Variants in ZNF479 observed in about 807,000 individuals in gnomAD.
ZNF479 encodes the protein zinc finger protein 479, also known as KRAB zinc finger protein KR19.
Under a neutral mutation model 14.7 loss-of-function variants are expected in ZNF479, and 15 were observed. The ratio of observed to expected loss-of-function variants is 1.02; its 90% CI spans 0.68 to 1.57. ZNF479 has a LOEUF of 1.57. Ranked by LOEUF, ZNF479 falls within the 40% of genes most tolerant of loss-of-function variation. The probability of loss-of-function intolerance (pLI) is 0.00; values close to 1 mark genes in which losing one functional copy is unlikely to be tolerated. For synonymous variants in ZNF479, 145 were observed against 211.5 expected (o/e 0.69, Z 2.73); for missense variants, 506 against 615.1 (o/e 0.82, Z 1.88).
intron 1 of ZNF479, among the ~76,000 whole-genome samples, chr7:57,138,468 A>G (rs1786742942): frequency 6.6e-6 from 1 of 152,200 alleles, no homozygotes; most frequent in South Asian, 2.1e-4. Flanking sequence ...TGACTCTCAT[A>G]TGAGGACACG....
chr7:57,117,724 T>A lies in ZNF479; in HGVS notation c.*2116A>T, dbSNP rs1785748454. Among the ~76,000 whole-genome samples the A allele has an allele frequency of 1.3e-5, 2 of 152,292 alleles. No homozygotes were observed. The highest frequency in any genetic ancestry group is 4.8e-5 in the African/African-American group (2 of 41,478). On this transcript the variant is annotated 3_prime_UTR_variant, in exon 4 of 4. Coordinates refer to ENST00000319636, the MANE Select transcript of ZNF479 (RefSeq NM_001370129.2). ...GCATTTTATTACATAAACGTACAAT[T>A]GATAAAAAACAATCTCTCCTATCTC... is the stretch of plus-strand genomic sequence containing the variant.
rs751859926 is a variant in ZNF479, at chr7:57,126,111, T to C, written c.169A>G (p.Ile57Val). 1 of 1,593,070 alleles carries C rather than the reference T, an allele frequency of 6.3e-7. No homozygotes were observed. Among genetic ancestry groups the C allele is most frequent in the Non-Finnish European group, 8.5e-7 (1 of 1,177,580 alleles). ...ATCAAGTCTGGCTTAGAGACAGCAA[T>C]ACCTGTTTTATTAAGAAAAAAAAGT... Reference protein sequence around the residue: ...ENYRNLVSLGIAVSKPDLITC... With the variant: ...ENYRNLVSLGVAVSKPDLITC... Residue 57 changes from isoleucine (I) to valine (V), a missense_variant and splice_region_variant, in exon 3 of 4, where the codon ATT (isoleucine) becomes GTT (valine). This residue lies in a region of ZNF479 where 420 missense variants were observed against 474.2 expected (regional missense o/e 0.89). Coordinates refer to ENST00000319636, the MANE Select transcript of ZNF479 (RefSeq NM_001370129.2).
rs1294723055 is a variant in ZNF479, at chr7:57,137,837, T to C, written c.-15+1771A>G. On this transcript the variant is annotated intron_variant, in intron 1 of 4. Coordinates refer to the ZNF479 transcript ENST00000331162. ...ATCACCTAGGTGATGTGACTCTCCC[T>C]TTCTGCCTGGGCCAGTCCGCAGGGG... Among the ~76,000 whole-genome samples the C allele has an allele frequency of 1.3e-5, 2 of 152,202 alleles. 1 individual carries two copies. Among genetic ancestry groups the C allele is most frequent in the Middle Eastern group, 6.3e-3 (2 of 316 alleles).
In ZNF479 at chr7:57,120,910, A is replaced by G; in HGVS notation, c.505T>C (p.Phe169Leu). Residue 169 changes from phenylalanine (F) to leucine (L), a missense_variant, in exon 4 of 4, where the codon TTT becomes CTT. Transcript: ENST00000319636. ...GTTTTATCTCTATTGGAATTTGAAA[A>G]TTTACCAAAGACTTTGACATATTTA... ...THKYVKVFGK[F>L]SNSNRDKTRY... 1 of 1,613,830 alleles carries G rather than the reference A, an allele frequency of 6.2e-7. No homozygotes were observed. Among genetic ancestry groups the G allele is most frequent in the Non-Finnish European group, 8.5e-7 (1 of 1,179,930 alleles).
chr7:57,139,200 C>T (rs1444516397), intron 1 of ZNF479, among the ~76,000 whole-genome samples: 1 of 152,330 alleles, frequency 6.6e-6, no homozygotes, highest in Middle Eastern at 3.4e-3. Context: ...TTGTCACCCT[C>T]CCACCTGAAC....
chr7:57,117,788 GA>G lies in ZNF479; in HGVS notation c.*2051del, dbSNP rs1389183717. Among the ~76,000 whole-genome samples, 1 of 152,260 alleles carries G rather than the reference GA, an allele frequency of 6.6e-6. No homozygotes were observed. The highest frequency in any genetic ancestry group is 1.9e-4 in the East Asian group (1 of 5,206). On this transcript the variant is annotated 3_prime_UTR_variant, in exon 4 of 4. Transcript: ENST00000319636. ...GATCAAATACTTTCACAAACAATGG[GA>G]AGAGTCAACATGACGGAATCTGAGA...
chr7:57,135,836 A>G (rs1314133051), upstream of ZNF479, among the ~76,000 whole-genome samples: 1 of 152,132 alleles, frequency 6.6e-6, no homozygotes, highest in Non-Finnish European at 1.5e-5. Context: ...TTGAGAGCAG[A>G]TGGGACTGCA....
chr7:57,127,065 C>T (rs1219150208), intron 1 of ZNF479, among the ~76,000 whole-genome samples: 1 of 143,016 alleles, frequency 7.0e-6, no homozygotes, highest in Non-Finnish European at 1.5e-5. Context: ...CTCTGTTGCC[C>T]AGGCTGGAGT....
intron 1 of ZNF479, among the ~76,000 whole-genome samples, chr7:57,131,827 G>A (rs887567286): frequency 1.4e-4 from 22 of 152,092 alleles, no homozygotes; most frequent in African/African-American, 4.6e-4. Context: ...CCATAGCTGG[G>A]TGCTCTATGA....
At position 57,124,235 on chromosome 7, in the gene ZNF479, A is replaced by T. The variant is rs1786064357; in HGVS notation, c.262+1783T>A. ...TTTCAAAACATAATAAAAAGCTGCA[A>T]TAACAATAACTATGTGGTACTCACA... is the stretch of plus-strand genomic sequence containing the variant. On this transcript the variant is annotated intron_variant, in intron 3 of 3. Transcript: ENST00000319636. Among the ~76,000 whole-genome samples, 5 of 152,194 alleles carry T rather than the reference A, an allele frequency of 3.3e-5. No homozygotes were observed. The South Asian group carries it at 1.0e-3, about 31-fold the overall frequency.
chr7:57,136,919 A>G (rs1483677839), upstream of ZNF479, among the ~76,000 whole-genome samples: 1 of 151,938 alleles, frequency 6.6e-6, no homozygotes, highest in Non-Finnish European at 1.5e-5. Context: ...TCATAACCTT[A>G]ATTAAAGCTT....
chr7:57,118,264 G>T lies in ZNF479; in HGVS notation c.*1576C>A, dbSNP rs56227543. Among the ~76,000 whole-genome samples, 3,701 of 152,272 alleles carry T rather than the reference G, an allele frequency of 0.024. 12 individuals carry two copies. Among genetic ancestry groups the T allele is most frequent in the East Asian group, 0.15 (780 of 5,162 alleles). Reference sequence around the variant, plus strand: ...AATGTGTACAATAAAATCTGTAATGGAAGTAAAGGTACAGCAATCCTCTTT... The same window carrying T: ...AATGTGTACAATAAAATCTGTAATGTAAGTAAAGGTACAGCAATCCTCTTT... On this transcript the variant is annotated 3_prime_UTR_variant, in exon 4 of 4. Coordinates refer to ENST00000319636, the MANE Select transcript of ZNF479 (RefSeq NM_001370129.2).
At chr7:57,139,274 T>A (rs958796441) in intron 1 of ZNF479, among the ~76,000 whole-genome samples, 2 of 152,092 alleles carry the variant, frequency 1.3e-5, no homozygotes, top group African/African-American at 4.8e-5. Flanking sequence ...ATTATGACTC[T>A]CATATGTGAA....
At chr7:57,133,502 A>G (rs1786521869), upstream of ZNF479, among the ~76,000 whole-genome samples, 1 of 152,194 alleles carries the variant, frequency 6.6e-6, no homozygotes, top group African/African-American at 2.4e-5. Context: ...AAGGGAGGAA[A>G]TCCTCTGCAG....
intron 3 of ZNF479, among the ~76,000 whole-genome samples, chr7:57,124,721 T>C (rs553752234): frequency 5.3e-5 from 8 of 152,324 alleles, no homozygotes; most frequent in Non-Finnish European, 1.2e-4. Context: ...AGACTTAATA[T>C]TGAGAATACA....
At chr7:57,122,551 T>G (rs556300995) in intron 3 of ZNF479, among the ~76,000 whole-genome samples, 38 of 152,244 alleles carry the variant, frequency 2.5e-4, no homozygotes, top group African/African-American at 8.2e-4. Flanking sequence ...TTGAAAAATA[T>G]AAGCATAAAA....
chr7:57,134,665 C>CTTTTTTTTTT (rs71053216), upstream of ZNF479, among the ~76,000 whole-genome samples: 23 of 106,484 alleles, frequency 2.2e-4, no homozygotes, highest in Non-Finnish European at 2.6e-4. Flanking sequence ...TTTCTTCTAT[C>CTTTTTTTTTT]TTTTTTTTTT....
Position 57,120,332 on chromosome 7 carries a change from GGC to G in ZNF479, c.1081_1082del (p.Ala361LeufsTer2), listed in dbSNP as rs781904069. The G allele has an allele frequency of 1.5e-5, 24 of 1,610,294 alleles. No homozygotes were observed. In the South Asian group the frequency reaches 2.6e-4, roughly 18 times the overall value. On this transcript the variant is annotated frameshift_variant, in exon 4 of 4. Transcript: ENST00000319636. LOFTEE classifies it low-confidence loss of function (END_TRUNC). Reference sequence around the variant, plus strand: ...TCATAAGGTTCGAGGATAAGCTAAAGGCTTGGCCACATTCTTCACAGGCATAG... The same window carrying G: ...TCATAAGGTTCGAGGATAAGCTAAAGTTGGCCACATTCTTCACAGGCATAG... ...KPYACEECGQ[A>X]FSLSSNLMRH...
chr7:57,132,651 G>A (rs72499864), upstream of ZNF479, among the ~76,000 whole-genome samples: 3,701 of 152,250 alleles, frequency 0.024, 115 homozygotes, highest in East Asian at 0.17. Flanking sequence ...TCGGAGCCAG[G>A]CCAACTTCAG....
Sources: allele counts gnomAD v4.1 joint callset (sites outside exome capture counted in the v4.1 genomes callset), GRCh38; gene constraint gnomAD v4.1.1; regional missense constraint gnomAD v4.1.1; transcripts MANE v1.5; gene names NCBI Gene and HGNC (gene_info 2026-07-23, HGNC 2026-07-21).